SGPL1: variants seen among roughly 807,000 people sequenced by gnomAD.
SGPL1 encodes the protein SP-lyase 1.
Under a neutral mutation model 68.9 loss-of-function variants are expected in SGPL1, and 37 were observed. The ratio of observed to expected loss-of-function variants is 0.54; its 90% confidence interval spans 0.41 to 0.71. The LOEUF is 0.71. Among genes scored for constraint, SGPL1 ranks in the 30% least tolerant of loss-of-function variants. The pLI is 0.00. For missense variants in SGPL1, 551 were observed against 704.6 expected, an observed-to-expected ratio of 0.78 and a Z score of 2.47; for synonymous variants, 236 against 248.5, an observed-to-expected ratio of 0.95 and a Z score of 0.47.
intron 7 of SGPL1, among the ~76,000 whole-genome samples, chr10:70,863,971 G>T (rs1019248994): frequency 9.9e-5 from 15 of 152,130 alleles, no homozygotes; most frequent in African/African-American, 3.6e-4. Context: ...ACCTCAGGGT[G>T]AAAGCTAGTT....
intron 2 of SGPL1, among the ~76,000 whole-genome samples, chr10:70,817,180 C>T (rs543185778): frequency 1.3e-5 from 2 of 152,126 alleles, no homozygotes; most frequent in East Asian, 1.9e-4. Context: ...CCACCACGCC[C>T]GGCTAATTTT....
chr10:70,847,135 GT>G (rs927059230), intron 3 of SGPL1, among the ~76,000 whole-genome samples: 3 of 148,286 alleles, frequency 2.0e-5, no homozygotes, highest in Non-Finnish European at 3.0e-5. Flanking sequence ...GCCATTTGAG[GT>G]TTTTTTTTTG....
At chr10:70,823,514 C>T (rs1845378235) in intron 2 of SGPL1, among the ~76,000 whole-genome samples, 1 of 145,174 alleles carries the variant, frequency 6.9e-6, no homozygotes, top group Non-Finnish European at 1.5e-5. Flanking sequence ...AAATCCAAGG[C>T]ACTAGGCCAC....
chr10:70,816,758 T>G, intron 1 of SGPL1, 53 bp from the exon 2 acceptor site: 1 of 1,259,252 alleles, frequency 7.9e-7, no homozygotes, highest in Non-Finnish European at 1.2e-6. Flanking sequence ...CTAGGCGGGC[T>G]GGCGAGACAG....
chr10:70,839,847 G>T (rs763890865), intron 2 of SGPL1, among the ~76,000 whole-genome samples: 1 of 151,504 alleles, frequency 6.6e-6, no homozygotes, highest in African/African-American at 2.4e-5. Flanking sequence ...ATTGGAAGAA[G>T]AATAATTGTC....
rs1589480029 is a variant in SGPL1 at position 70,877,799 on chromosome 10, CTTCTCTCTCTTT to C, written c.*467_*478del. On this transcript the variant is annotated 3_prime_UTR_variant, in exon 15 of 15. Coordinates refer to ENST00000373202, the MANE Select transcript of SGPL1 (RefSeq NM_003901.4). ...ACTCTAAGCAGGAGGCTTTTTCAGCCTTCTCTCTCTTTTTTTTTTTTTTTTTTTTTTTTGAGA... is the reference window on the plus strand; with the variant it reads ...ACTCTAAGCAGGAGGCTTTTTCAGCCTTTTTTTTTTTTTTTTTTTTTGAGA... 1 of 142,400 alleles carries C rather than the reference CTTCTCTCTCTTT, an allele frequency of 7.0e-6. No individual in the cohort carries two copies. Among genetic ancestry groups the C allele is most frequent in the East Asian group, 2.0e-4 (1 of 4,894 alleles). The allele number at this position is 142,400 out of a possible 1,614,324, so 8.8% of individuals were successfully genotyped here.
chr10:70,871,229 A>G (rs913743836), intron 10 of SGPL1, 83 bp downstream of exon 10: 4 of 933,352 alleles, frequency 4.3e-6, no homozygotes, highest in Non-Finnish European at 6.5e-6. Context: ...GGCAAATAGA[A>G]GCGATTTTTT....
At chr10:70,849,800 C>G (rs1177624176) in intron 3 of SGPL1, among the ~76,000 whole-genome samples, 5 of 152,196 alleles carry the variant, frequency 3.3e-5, no homozygotes, top group African/African-American at 4.8e-5. Context: ...GGCTTAGATT[C>G]TTATAGACTC....
At chr10:70,854,422 A>G (rs532690965) in intron 4 of SGPL1, among the ~76,000 whole-genome samples, 2 of 151,986 alleles carry the variant, frequency 1.3e-5, no homozygotes, top group Non-Finnish European at 2.9e-5. Context: ...TGATCTGCCC[A>G]CCTCGGCTTC....
At chr10:70,863,289 CTTTTT>C (rs35676112) in intron 7 of SGPL1, among the ~76,000 whole-genome samples, 2 of 118,786 alleles carry the variant, frequency 1.7e-5, no homozygotes, top group Non-Finnish European at 1.7e-5. Context: ...GCTTGGCCGT[CTTTTT>C]TTTTTTTTTT....
At chr10:70,817,943 T>C (rs985535290) in intron 2 of SGPL1, among the ~76,000 whole-genome samples, 1 of 152,240 alleles carries the variant, frequency 6.6e-6, no homozygotes, top group African/African-American at 2.4e-5. Flanking sequence ...GCTGTTTTAC[T>C]GAGCAGGGAA....
Position 70,871,861 on chromosome 10 carries a change from C to T in SGPL1, c.934C>T (p.Leu312Phe), listed in dbSNP as rs139437213. 2.5e-6 allele frequency: 4 copies of T among 1,613,846 alleles called. No individual in the cohort carries two copies. The African/African-American group carries it at 5.3e-5, about 22-fold the overall frequency. ...GCTGGCTGTCAAATACAAAATACCC[C>T]TTCATGTCGACGCTTGTCTGGGAGG... ...AKLAVKYKIP[L>F]HVDACLGGFL... Residue 312 changes from leucine (L) to phenylalanine (F), a missense_variant, in exon 11 of 15, where the codon CTT becomes TTT. Leu to Phe is a conservative substitution (Grantham distance 22). Coordinates refer to ENST00000373202, the MANE Select transcript of SGPL1 (RefSeq NM_003901.4).
intron 3 of SGPL1, among the ~76,000 whole-genome samples, chr10:70,850,515 A>G (rs1285995435): frequency 1.3e-5 from 2 of 152,226 alleles, no homozygotes; most frequent in Admixed American, 6.5e-5. Flanking sequence ...TTGACCTAGT[A>G]GTTCTGCTTC....
In SGPL1 at chr10:70,877,754, C is replaced by T. The variant is rs1160705051; in HGVS notation, c.*419C>T. ...GAGGCGTTTACATAACAGATGTTTC[C>T]TCAGCTGGGTGTGAGGTATACTCTA... On this transcript the variant is annotated 3_prime_UTR_variant, in exon 15 of 15. Transcript: ENST00000373202. 4 of 158,472 alleles carry T rather than the reference C, an allele frequency of 2.5e-5. No homozygotes were observed. Among genetic ancestry groups the T allele is most frequent in the Admixed American group, 6.1e-5 (1 of 16,312 alleles). 9.8% of individuals were successfully genotyped at this position (158,472 alleles called of 1,614,324 possible).
At chr10:70,845,316 C>G (rs1446353359) in intron 3 of SGPL1, among the ~76,000 whole-genome samples, 1 of 152,082 alleles carries the variant, frequency 6.6e-6, no homozygotes, top group Non-Finnish European at 1.5e-5. Flanking sequence ...TTTGTGCTAT[C>G]CTTTTCAGTA....
chr10:70,833,551 A>C (rs1304204194), intron 2 of SGPL1, among the ~76,000 whole-genome samples: 3 of 152,230 alleles, frequency 2.0e-5, no homozygotes, highest in Non-Finnish European at 4.4e-5. Flanking sequence ...TTTGGAGGCT[A>C]TAAAGACAAT....
At chr10:70,850,496 G>T (rs1030583303) in intron 3 of SGPL1, among the ~76,000 whole-genome samples, 2 of 152,198 alleles carry the variant, frequency 1.3e-5, no homozygotes, top group African/African-American at 4.8e-5. Flanking sequence ...TCTGGAACAC[G>T]TATATCATTT....
At chr10:70,847,073 C>T (rs927791149) in intron 3 of SGPL1, among the ~76,000 whole-genome samples, 17 of 151,906 alleles carry the variant, frequency 1.1e-4, no homozygotes, top group African/African-American at 2.4e-4. Context: ...AATTGTTAGT[C>T]GTAGTATACT....
intron 3 of SGPL1, 147 bp downstream of exon 3, chr10:70,844,785 G>C: frequency 1.3e-6 from 1 of 745,146 alleles, no homozygotes; most frequent in Non-Finnish European, 2.1e-6. Flanking sequence ...CTGTTGCTAG[G>C]CTGGAGTGCA....
Sources: allele counts gnomAD v4.1 joint callset (sites outside exome capture counted in the v4.1 genomes callset), GRCh38; gene constraint gnomAD v4.1.1; transcripts MANE v1.5; gene names NCBI Gene and HGNC (gene_info 2026-07-23, HGNC 2026-07-21).